Variants in TBC1D4 observed in about 807,000 individuals in gnomAD.
TBC1D4 encodes the protein TBC1 domain family member 4.
TBC1D4 carries 121 observed loss-of-function variants against 142.5 expected under a neutral mutation model. The ratio of observed to expected loss-of-function variants is 0.85; its 90% CI spans 0.73 to 0.99. TBC1D4 has a LOEUF of 0.99. Among genes scored for constraint, TBC1D4 ranks in the 50% least tolerant of loss-of-function variants. The pLI is 0.00. For missense variants in TBC1D4, 1,475 were observed against 1,606.6 expected (o/e 0.92, Z 1.40); for synonymous variants, 630 against 628.2 (o/e 1.00, Z -0.04).
intron 1 of TBC1D4, among the ~76,000 whole-genome samples, chr13:75,407,675 A>G (rs886316795): frequency 3.3e-5 from 5 of 152,142 alleles, no homozygotes; most frequent in African/African-American, 1.2e-4. Context: ...GCCAACAGGT[A>G]CTCATTGTCA....
In TBC1D4 at chr13:75,306,462, T is replaced by C. The variant is rs1413169847; in HGVS notation, c.2603A>G (p.Asp868Gly). The C allele has an allele frequency of 1.2e-6, 2 of 1,613,196 alleles. No individual in the cohort carries two copies. The highest frequency in any genetic ancestry group is 1.7e-5 in the Admixed American group (1 of 60,006). ...KENQKLEASR[D>G]ELQSRKVKLD... ...TTTAACTTTTCTGGACTGGAGTTCATCTCTGCTTGCTAAGGAAAAAAACAA... is the reference window on the plus strand; with the variant it reads ...TTTAACTTTTCTGGACTGGAGTTCACCTCTGCTTGCTAAGGAAAAAAACAA... Residue 868 changes from aspartate (D) to glycine (G), a missense_variant, in exon 15 of 21, where the codon GAT becomes GGT. Physicochemically the swap from Asp to Gly is moderately conservative, Grantham distance 94. This residue lies in a region of TBC1D4 where 1,227 missense variants were observed against 1,267.7 expected (regional missense o/e 0.97). Coordinates refer to ENST00000377636, the MANE Select transcript of TBC1D4 (RefSeq NM_014832.5).
rs1415961162 is a variant in TBC1D4, at chr13:75,287,130, T to C, written c.3664-105A>G. ...CTTCAAATTACTTAATAAAATATTATGTGAAGCAAATACTCTGAAAACCTA... is the reference window on the plus strand; with the variant it reads ...CTTCAAATTACTTAATAAAATATTACGTGAAGCAAATACTCTGAAAACCTA... On this transcript the variant is annotated intron_variant, in intron 20 of 20. Coordinates refer to ENST00000377636, the MANE Select transcript of TBC1D4 (RefSeq NM_014832.5). The C allele has an allele frequency of 1.5e-5, 15 of 968,954 alleles. No homozygotes were observed. In the Admixed American group the frequency reaches 2.3e-4, roughly 15 times the overall value. 60.0% of individuals were successfully genotyped at this position (968,954 alleles called of 1,614,324 possible).
intron 16 of TBC1D4, among the ~76,000 whole-genome samples, chr13:75,300,792 T>C (rs1276391134): frequency 6.6e-6 from 1 of 152,202 alleles, no homozygotes; most frequent in Non-Finnish European, 1.5e-5. Flanking sequence ...ACCCTGATTG[T>C]ATCATCAATT....
At chr13:75,336,464 T>G (rs1165528429) in intron 8 of TBC1D4, among the ~76,000 whole-genome samples, 1 of 151,960 alleles carries the variant, frequency 6.6e-6, no homozygotes, top group Non-Finnish European at 1.5e-5. Context: ...TGCCAGCACT[T>G]TGGGAGGCCA....
At chr13:75,400,050 C>T (rs1885004896) in intron 1 of TBC1D4, among the ~76,000 whole-genome samples, 1 of 152,216 alleles carries the variant, frequency 6.6e-6, no homozygotes, top group Non-Finnish European at 1.5e-5. Flanking sequence ...CTCTTGCAGA[C>T]ACTATGTGGA....
Position 75,481,837 on chromosome 13 carries a change from G to A in TBC1D4, c.-70C>T. On this transcript the variant is annotated 5_prime_UTR_variant, in exon 1 of 21. Coordinates refer to ENST00000377636, the MANE Select transcript of TBC1D4 (RefSeq NM_014832.5). ...CGCGCCCCCCACTCCCGCGCAGAAG[G>A]CGCCGCCGAAACTGTGCCAACTGCC... 1 of 1,411,286 alleles carries A rather than the reference G, an allele frequency of 7.1e-7. No individual in the cohort carries two copies. Among genetic ancestry groups the A allele is most frequent in the Non-Finnish European group, 9.2e-7 (1 of 1,092,588 alleles). The allele number at this position is 1,411,286 out of a possible 1,614,324, so 87.4% of individuals were successfully genotyped here.
chr13:75,407,323 A>C (rs1164171858), intron 1 of TBC1D4, among the ~76,000 whole-genome samples: 1 of 152,224 alleles, frequency 6.6e-6, no homozygotes, highest in Non-Finnish European at 1.5e-5. Context: ...CTCCAGGACA[A>C]TATCTTCTGT....
Position 75,326,293 on chromosome 13 carries a change from G to A in TBC1D4, c.1937C>T (p.Pro646Leu), listed in dbSNP as rs767575575. Residue 646 changes from proline (P) to leucine (L), a missense_variant, in exon 10 of 21, where the codon CCA becomes CTA. By Grantham distance (98) the Pro-to-Leu change is moderately conservative. Coordinates refer to ENST00000377636, the MANE Select transcript of TBC1D4 (RefSeq NM_014832.5). ...FRRRAHTFSHPPSSTKRKLNL... is the reference protein window; with the variant it reads ...FRRRAHTFSHLPSSTKRKLNL... ...CAGCTTTCTCTTTGTGCTTGAAGGT[G>A]GGTGGCTGAACGTGTGTGCCCGTCT... 6.8e-6 allele frequency: 11 copies of A among 1,614,002 alleles called. No homozygotes were observed. The highest frequency in any genetic ancestry group is 6.8e-6 in the Non-Finnish European group (8 of 1,180,036).
At chr13:75,379,303 A>C (rs1883688784) in intron 1 of TBC1D4, among the ~76,000 whole-genome samples, 1 of 152,104 alleles carries the variant, frequency 6.6e-6, no homozygotes, top group Non-Finnish European at 1.5e-5. Context: ...ATGTCTAAAA[A>C]AGTACATCTC....
chr13:75,443,920 CT>C (rs1293898379), intron 1 of TBC1D4, among the ~76,000 whole-genome samples: 1 of 151,500 alleles, frequency 6.6e-6, no homozygotes, highest in African/African-American at 2.4e-5. Flanking sequence ...AACAGGATAA[CT>C]TTCATAGTCT....
At chr13:75,380,565 G>C (rs962333193) in intron 1 of TBC1D4, among the ~76,000 whole-genome samples, 36 of 150,856 alleles carry the variant, frequency 2.4e-4, no homozygotes, top group African/African-American at 8.5e-4. Flanking sequence ...TTCAAGGCAT[G>C]AAACACTGAA....
chr13:75,473,244 G>C (rs993963930), intron 1 of TBC1D4, among the ~76,000 whole-genome samples: 1 of 152,070 alleles, frequency 6.6e-6, no homozygotes, highest in Non-Finnish European at 1.5e-5. Flanking sequence ...CAAATGATTT[G>C]CTTGCTTCGG....
At chr13:75,297,936 CCAGT>C (rs1453135585) in intron 17 of TBC1D4, among the ~76,000 whole-genome samples, 1 of 152,102 alleles carries the variant, frequency 6.6e-6, no homozygotes, top group Non-Finnish European at 1.5e-5. Flanking sequence ...CCCTATCTCC[CCAGT>C]CAAAATTTTA....
chr13:75,336,072 T>C (rs1030905504), intron 8 of TBC1D4, among the ~76,000 whole-genome samples: 2 of 152,144 alleles, frequency 1.3e-5, no homozygotes, highest in African/African-American at 2.4e-5. Flanking sequence ...GGCCCCAGAA[T>C]AAATCTCGAT....
chr13:75,310,587 T>C (rs563623221), intron 13 of TBC1D4, among the ~76,000 whole-genome samples: 1 of 152,364 alleles, frequency 6.6e-6, no homozygotes, highest in South Asian at 2.1e-4. Flanking sequence ...GGGCCTCTCC[T>C]GGCTGAGCAC....
chr13:75,368,240 A>G (rs1883032490), intron 1 of TBC1D4, among the ~76,000 whole-genome samples: 1 of 152,240 alleles, frequency 6.6e-6, no homozygotes, highest in Non-Finnish European at 1.5e-5. Flanking sequence ...ACCGGTCCCC[A>G]CTGTCTTATT....
intron 1 of TBC1D4, among the ~76,000 whole-genome samples, chr13:75,410,177 G>C (rs1885572027): frequency 6.6e-6 from 1 of 152,136 alleles, no homozygotes; most frequent in Non-Finnish European, 1.5e-5. Context: ...TAATTACTAT[G>C]TTTGATATAT....
intron 13 of TBC1D4, 62 bp downstream of exon 13, chr13:75,312,676 C>T (rs770076194): frequency 3.1e-6 from 5 of 1,599,104 alleles, no homozygotes; most frequent in South Asian, 1.1e-5. Flanking sequence ...ACAGCACGTG[C>T]ATTCCATTAG....
At chr13:75,411,287 A>G (rs1401714188) in intron 1 of TBC1D4, among the ~76,000 whole-genome samples, 1 of 152,162 alleles carries the variant, frequency 6.6e-6, no homozygotes, top group Non-Finnish European at 1.5e-5. Flanking sequence ...ACTAGTTACC[A>G]CTTAGTATGA....
Sources: gnomAD v4.1 joint callset for allele counts (sites outside exome capture counted in the v4.1 genomes callset) on GRCh38, gnomAD v4.1.1 for gene constraint, gnomAD v4.1.1 regional missense constraint, MANE v1.5 for transcripts, NCBI Gene and HGNC (gene_info 2026-07-23, HGNC 2026-07-21) for gene names.